The following EYA3 variants were observed in gnomAD, a reference collection of about 807,000 sequenced individuals.
EYA3 encodes EYA transcriptional coactivator and phosphatase 3.
In EYA3, 39 loss-of-function variants were observed where a neutral mutation model predicts 80.0. The ratio of observed to expected loss-of-function variants is 0.49; its 90% CI spans 0.38 to 0.64. EYA3 has a LOEUF of 0.64. EYA3 is among the 30% of genes least tolerant of loss of function. EYA3 has a pLI of 0.00. For synonymous variants in EYA3, 206 were observed against 232.8 expected (o/e 0.88, Z 1.05); for missense variants, 523 against 676.1 (o/e 0.77, Z 2.51).
chr1:27,982,246 C>T (rs1639354870), intron 16 of EYA3, among the ~76,000 whole-genome samples: 1 of 151,968 alleles, frequency 6.6e-6, no homozygotes, highest in Non-Finnish European at 1.5e-5. Flanking sequence ...AATCCACCTG[C>T]CTCGGCCTCC....
chr1:28,063,352 CTT>C (rs371840536), intron 1 of EYA3, among the ~76,000 whole-genome samples: 6 of 93,512 alleles, frequency 6.4e-5, no homozygotes, highest in East Asian at 5.9e-4. Flanking sequence ...TAACTAAAAC[CTT>C]TTTTTTTTTT....
intron 9 of EYA3, among the ~76,000 whole-genome samples, chr1:28,011,992 AC>A (rs1641727296): frequency 6.6e-6 from 1 of 152,248 alleles, no homozygotes; most frequent in African/African-American, 2.4e-5. Flanking sequence ...AGCTGGAAAT[AC>A]AAATACATTT....
intron 1 of EYA3, among the ~76,000 whole-genome samples, chr1:28,069,018 GCTGGTCTCGAACTC>G (rs1314891569): frequency 1.3e-5 from 2 of 152,122 alleles, no homozygotes; most frequent in Non-Finnish European, 2.9e-5. Context: ...TGTTGGCCAG[GCTGGTCTCGAACTC>G]CTGGTCTCAA....
chr1:28,063,840 CA>C, intron 1 of EYA3, among the ~76,000 whole-genome samples: 1 of 152,210 alleles, frequency 6.6e-6, no homozygotes, highest in South Asian at 2.1e-4. Context: ...ACAACTATTT[CA>C]TTTTTATCTT....
At chr1:27,977,335 G>C in intron 17 of EYA3, 2 of 1,550,470 alleles carry the variant, frequency 1.3e-6, no homozygotes, top group Non-Finnish European at 8.7e-7. Context: ...AAGAGTATCA[G>C]GGCAGTTGGT....
chr1:28,031,406 A>G (rs548519344), intron 6 of EYA3, among the ~76,000 whole-genome samples: 46 of 152,354 alleles, frequency 3.0e-4, no homozygotes, highest in Admixed American at 1.8e-3. Context: ...CTCTATGCCA[A>G]CAACTACCAA....
intron 7 of EYA3, among the ~76,000 whole-genome samples, chr1:28,024,013 C>A (rs766457389): frequency 2.0e-5 from 3 of 152,102 alleles, no homozygotes; most frequent in Admixed American, 1.3e-4. Flanking sequence ...CCGAGGCAGG[C>A]GGATCACTTG....
chr1:28,007,720 AG>A (rs1641396415), intron 10 of EYA3, among the ~76,000 whole-genome samples: 1 of 152,210 alleles, frequency 6.6e-6, no homozygotes, highest in Admixed American at 6.5e-5. Context: ...GAAAATACTT[AG>A]GAATAAATTT....
intron 1 of EYA3, among the ~76,000 whole-genome samples, chr1:28,062,657 G>GGGGTGTGTGTGTGTGTGTGTGT (rs111612303): frequency 3.5e-5 from 5 of 141,626 alleles, no homozygotes; most frequent in South Asian, 2.3e-4. Context: ...AATATATGTA[G>GGGGTGTGTGTGTGTGTGTGTGT]GTGTGTGTGT....
intron 16 of EYA3, among the ~76,000 whole-genome samples, chr1:27,981,030 G>A (rs1458039094): frequency 6.6e-6 from 1 of 152,166 alleles, no homozygotes; most frequent in East Asian, 1.9e-4. Flanking sequence ...GTACCAGAGT[G>A]AGACCCTGTC....
intron 10 of EYA3, among the ~76,000 whole-genome samples, chr1:28,006,104 CA>C (rs879642993): frequency 0.017 from 1,982 of 116,680 alleles, 37 homozygotes; most frequent in African/African-American, 0.053. Context: ...GGTTCTGTCT[CA>C]AAAAAAAAAA....
chr1:28,018,444 C>G (rs1286217977), intron 7 of EYA3, among the ~76,000 whole-genome samples: 1 of 152,162 alleles, frequency 6.6e-6, no homozygotes, highest in African/African-American at 2.4e-5. Context: ...CATAAACACA[C>G]TTAGACATGG....
chr1:28,021,554 G>A (rs1642436510), intron 7 of EYA3, among the ~76,000 whole-genome samples: 1 of 151,882 alleles, frequency 6.6e-6, no homozygotes, highest in South Asian at 2.1e-4. Flanking sequence ...AATATTTGTG[G>A]GATTCATATA....
intron 16 of EYA3, among the ~76,000 whole-genome samples, chr1:27,987,456 T>C (rs899292412): frequency 2.6e-5 from 4 of 152,184 alleles, no homozygotes; most frequent in Non-Finnish European, 4.4e-5. Context: ...GACCCTGCTT[T>C]TGGATATTTG....
At chr1:28,064,023 A>G (rs1644737950) in intron 1 of EYA3, among the ~76,000 whole-genome samples, 1 of 152,170 alleles carries the variant, frequency 6.6e-6, no homozygotes, top group African/African-American at 2.4e-5. Flanking sequence ...TATAAGAAGT[A>G]CTTTCACTCA....
chr1:27,984,370 T>C (rs1416730069), intron 16 of EYA3, among the ~76,000 whole-genome samples: 6 of 152,188 alleles, frequency 3.9e-5, no homozygotes, highest in Non-Finnish European at 1.5e-5. Context: ...AAAAGTTCCA[T>C]GCAATCAATG....
rs536286692 is a variant in EYA3 at position 28,067,543 on chromosome 1, A to C, written c.-68-9449T>G. Among the ~76,000 whole-genome samples the C allele has an allele frequency of 2.0e-4, 31 of 152,278 alleles. No homozygotes were observed. The East Asian group carries it at 5.6e-3, about 27-fold the overall frequency. On this transcript the variant is annotated intron_variant, in intron 1 of 17. Coordinates refer to ENST00000373871, the MANE Select transcript of EYA3 (RefSeq NM_001990.4). ...TCTTGCCCCCAACTTTTTCCATTAG[A>C]AAAAAAATTTCAGTTTTGAGGGAAA...
At position 28,009,049 on chromosome 1, in the gene EYA3, T is replaced by C. The variant is rs1267423373; in HGVS notation, c.909+1898A>G. ...CCTTTATGTATCGCTGGTAAGAGTA[T>C]AAAACCGTGCAGCCACAATGAAAAA... On this transcript the variant is annotated intron_variant, in intron 10 of 17. Coordinates refer to ENST00000373871, the MANE Select transcript of EYA3 (RefSeq NM_001990.4). This position sits in a 1 kb window ranked among gnomAD's most constrained non-coding sequence, Gnocchi z 4.8. Among the ~76,000 whole-genome samples the C allele has an allele frequency of 6.6e-6, 1 of 152,206 alleles. No homozygotes were observed. The highest frequency in any genetic ancestry group is 6.5e-5 in the Admixed American group (1 of 15,272).
rs1281527838 is a variant in EYA3, at chr1:27,971,084, TCAAA to T, written c.*3378_*3381del. The T allele has an allele frequency of 1.3e-5, 2 of 152,180 alleles. No individual in the cohort carries two copies. The highest frequency in any genetic ancestry group is 6.5e-5 in the Admixed American group (1 of 15,288). The allele number at this position is 152,180 out of a possible 1,614,324, so 9.4% of individuals were successfully genotyped here. ...TTACAGAAGACAGGAACGCCGCAAATCAAACAAAAGCCCAGATGGGCATCTAAAT... is the reference window on the plus strand; with the variant it reads ...TTACAGAAGACAGGAACGCCGCAAATCAAAAGCCCAGATGGGCATCTAAAT... On this transcript the variant is annotated 3_prime_UTR_variant, in exon 18 of 18. Coordinates refer to ENST00000373871, the MANE Select transcript of EYA3 (RefSeq NM_001990.4).
Sources: gnomAD v4.1 joint callset for allele counts (sites outside exome capture counted in the v4.1 genomes callset) on GRCh38, gnomAD v4.1.1 for gene constraint, Gnocchi (gnomAD v3.1) non-coding constraint, MANE v1.5 for transcripts, NCBI Gene and HGNC (gene_info 2026-07-23, HGNC 2026-07-21) for gene names.